Variants in ADAMTS20 observed in about 807,000 individuals in gnomAD.
ADAMTS20 encodes ADAM metallopeptidase with thrombospondin type 1 motif 20.
Under a neutral mutation model 260.1 loss-of-function variants are expected in ADAMTS20, and 225 were observed. The observed-to-expected ratio is 0.87, with a 90% CI of 0.78 to 0.97. The LOEUF is 0.97. ADAMTS20 is among the 50% of genes least tolerant of loss of function. The pLI, the probability that ADAMTS20 is intolerant of heterozygous loss-of-function variation, is 0.00. For missense variants in ADAMTS20, 2,400 were observed against 2,337.7 expected (o/e 1.03, Z -0.55); for synonymous variants, 802 against 769.5 (o/e 1.04, Z -0.70).
At chr12:43,423,396 C>T (rs1008148541) in intron 28 of ADAMTS20, 13 of 225,958 alleles carry the variant, frequency 5.8e-5, no homozygotes, top group Non-Finnish European at 8.7e-6. Flanking sequence ...TTAATTGCTT[C>T]AATATCTAAT....
chr12:43,428,806 A>C lies in ADAMTS20; in HGVS notation c.3490-7T>G. 6.3e-7 allele frequency: 1 copy of C among 1,598,794 alleles called. No individual in the cohort carries two copies. The highest frequency in any genetic ancestry group is 8.5e-7 in the Non-Finnish European group (1 of 1,170,814). Reference sequence around the variant, plus strand: ...TTCCACAAGATACGGAGCACTTTTTAAGAAATCAAATTGTATCCGGGCATT... The same window carrying C: ...TTCCACAAGATACGGAGCACTTTTTCAGAAATCAAATTGTATCCGGGCATT... On this transcript the variant is annotated splice_region_variant and splice_polypyrimidine_tract_variant and intron_variant, in intron 24 of 38. Transcript: ENST00000389420.
At position 43,446,518 on chromosome 12, in the gene ADAMTS20, T is replaced by C. The variant is rs2137338996; in HGVS notation, c.2197+77A>G. On this transcript the variant is annotated intron_variant, in intron 15 of 38. Coordinates refer to ENST00000389420, the MANE Select transcript of ADAMTS20 (RefSeq NM_025003.5). ...GAGTAGACAAAACAGTAACAAAGAA[T>C]TACTGTTACACCTTCTTTACAGACT... 4.5e-6 allele frequency: 5 copies of C among 1,104,998 alleles called. No individual in the cohort carries two copies. In the East Asian group the frequency reaches 1.0e-4, roughly 22 times the overall value. 68.4% of individuals were successfully genotyped at this position (1,104,998 alleles called of 1,614,324 possible).
At position 43,464,699 on chromosome 12, in the gene ADAMTS20, T is replaced by G; in HGVS notation, c.1401A>C (p.Pro467=). Residue 467 remains proline (P), a synonymous_variant, in exon 10 of 39, where the codon CCA becomes CCC. Coordinates refer to ENST00000389420, the MANE Select transcript of ADAMTS20 (RefSeq NM_025003.5). ...TGYGECLLDK[P]DEEIYNLPSE... is the part of the protein sequence containing the mutation. ...AAGGCAGATTATATATTTCTTCATC[T>G]GGTTTGTCAAGAAGACATTCCCCGT... 3 of 1,613,268 alleles carry G rather than the reference T, an allele frequency of 1.9e-6. No homozygotes were observed. Among genetic ancestry groups the G allele is most frequent in the Non-Finnish European group, 2.5e-6 (3 of 1,179,410 alleles).
intron 3 of ADAMTS20, 96 bp from the exon 4 acceptor site, chr12:43,502,501 C>T: frequency 9.2e-7 from 1 of 1,083,894 alleles, no homozygotes; most frequent in South Asian, 1.6e-5. Flanking sequence ...TTAATACTTA[C>T]ATATCTGTTC....
At chr12:43,472,013 A>C (rs1164461161) in intron 7 of ADAMTS20, among the ~76,000 whole-genome samples, 3 of 152,136 alleles carry the variant, frequency 2.0e-5, no homozygotes, top group Non-Finnish European at 4.4e-5. Flanking sequence ...TGAGAGAAGA[A>C]GGCTTCAGAA....
rs1284697559 is a variant in ADAMTS20 at position 43,464,700 on chromosome 12, G to A, written c.1400C>T (p.Pro467Leu). The A allele has an allele frequency of 2.5e-6, 4 of 1,612,866 alleles. No individual in the cohort carries two copies. The highest frequency in any genetic ancestry group is 3.4e-6 in the Non-Finnish European group (4 of 1,179,338). ...TGYGECLLDK[P>L]DEEIYNLPSE... ...AGGCAGATTATATATTTCTTCATCT[G>A]GTTTGTCAAGAAGACATTCCCCGTA... is the stretch of plus-strand genomic sequence containing the variant. The change falls in exon 10 of 39, where the codon CCA (proline) becomes CTA (leucine). Residue 467 changes from proline (P) to leucine (L), a missense_variant. Coordinates refer to ENST00000389420, the MANE Select transcript of ADAMTS20 (RefSeq NM_025003.5).
intron 5 of ADAMTS20, among the ~76,000 whole-genome samples, chr12:43,492,850 A>G (rs1449768006): frequency 2.6e-5 from 4 of 152,168 alleles, no homozygotes; most frequent in Non-Finnish European, 5.9e-5. Context: ...ACAACCATCC[A>G]ATATTTAGGA....
intron 28 of ADAMTS20, among the ~76,000 whole-genome samples, chr12:43,407,818 C>G (rs938304110): frequency 4.6e-5 from 7 of 152,100 alleles, no homozygotes; most frequent in African/African-American, 1.7e-4. Flanking sequence ...AAGTCTAACT[C>G]AAGATGTGAG....
chr12:43,413,865 C>T (rs903614252), intron 28 of ADAMTS20, among the ~76,000 whole-genome samples: 1 of 152,110 alleles, frequency 6.6e-6, no homozygotes, highest in African/African-American at 2.4e-5. Context: ...TTTCCCATCC[C>T]ATATCCCACC....
At chr12:43,501,055 C>CTTTTTTTTTTT (rs79075751) in intron 4 of ADAMTS20, among the ~76,000 whole-genome samples, 27 of 104,866 alleles carry the variant, frequency 2.6e-4, no homozygotes, top group East Asian at 4.1e-4. Flanking sequence ...CTATGTAATT[C>CTTTTTTTTTTT]TTTTTTTTTT....
intron 3 of ADAMTS20, 139 bp from the exon 4 acceptor site, chr12:43,502,544 G>A (rs1942784193): frequency 8.2e-6 from 7 of 853,238 alleles, no homozygotes; most frequent in East Asian, 2.7e-5. Context: ...AAGAGAAATT[G>A]TTATTTAAAA....
chr12:43,540,609 G>A (rs143594619), intron 2 of ADAMTS20, among the ~76,000 whole-genome samples: 8 of 142,878 alleles, frequency 5.6e-5, no homozygotes, highest in African/African-American at 2.1e-4. Context: ...TTTTTAACTT[G>A]GAAAGAACCC....
intron 7 of ADAMTS20, among the ~76,000 whole-genome samples, chr12:43,469,672 A>G (rs1713540337): frequency 1.3e-5 from 2 of 152,166 alleles, no homozygotes; most frequent in South Asian, 4.1e-4. Context: ...AAGCTTTTGC[A>G]TTTAGAAATG....
Position 43,425,522 on chromosome 12 carries a change from A to C in ADAMTS20, c.4276T>G (p.Trp1426Gly), listed in dbSNP as rs1373127131. Residue 1426 changes from tryptophan (W) to glycine (G), a missense_variant, in exon 28 of 39, where the codon TGG becomes GGG. Trp to Gly is a radical substitution (Grantham distance 184). Transcript: ENST00000389420. Reference sequence around the variant, plus strand: ...CAAGAGTGCTATCATACCGATGTCCATGGTTCCTGATGCCATGACACATCA... The same window carrying C: ...CAAGAGTGCTATCATACCGATGTCCCTGGTTCCTGATGCCATGACACATCA... ...PADVSWHQEP[W>G]TSCSASCGKG... 1 of 1,518,944 alleles carries C rather than the reference A, an allele frequency of 6.6e-7. No homozygotes were observed. Among genetic ancestry groups the C allele is most frequent in the African/African-American group, 1.4e-5 (1 of 72,114 alleles). 94.1% of individuals were successfully genotyped at this position (1,518,944 alleles called of 1,614,324 possible).
intron 36 of ADAMTS20, among the ~76,000 whole-genome samples, chr12:43,371,267 G>C (rs938440556): frequency 2.0e-5 from 3 of 152,040 alleles, no homozygotes; most frequent in African/African-American, 7.2e-5. Context: ...TTAACTCAAA[G>C]TTGTCTTGAG....
In ADAMTS20 at chr12:43,487,101, A is replaced by G. The variant is rs1275442560; in HGVS notation, c.1117+3294T>C. On this transcript the variant is annotated intron_variant, in intron 7 of 38. Coordinates refer to ENST00000389420, the MANE Select transcript of ADAMTS20 (RefSeq NM_025003.5). ...TTTACCCAAAGGAACAGAAGTCACT[A>G]TATCAAAAAGACACCTGCACACATA... 1.3e-5 allele frequency among the ~76,000 whole-genome samples: 2 copies of G among 152,166 alleles called. 1 individual carries two copies. The highest frequency in any genetic ancestry group is 4.8e-5 in the African/African-American group (2 of 41,446).
chr12:43,442,392 G>A (rs879275585), intron 16 of ADAMTS20, among the ~76,000 whole-genome samples: 1 of 151,872 alleles, frequency 6.6e-6, no homozygotes, highest in Non-Finnish European at 1.5e-5. Flanking sequence ...CGAGTAGCTG[G>A]GATTACAGGC....
intron 3 of ADAMTS20, among the ~76,000 whole-genome samples, chr12:43,521,690 T>C (rs898106698): frequency 1.3e-5 from 2 of 152,194 alleles, no homozygotes; most frequent in African/African-American, 2.4e-5. Context: ...TTTTTGATAA[T>C]ATCTCTGCTT....
At chr12:43,527,258 C>A (rs1183644634) in intron 3 of ADAMTS20, among the ~76,000 whole-genome samples, 2 of 152,080 alleles carry the variant, frequency 1.3e-5, no homozygotes, top group Admixed American at 6.5e-5. Context: ...TTCTACCACA[C>A]GTCTATTCAC....
Sources: gnomAD v4.1 joint callset for allele counts (sites outside exome capture counted in the v4.1 genomes callset) on GRCh38, gnomAD v4.1.1 for gene constraint, MANE v1.5 for transcripts, NCBI Gene and HGNC (gene_info 2026-07-23, HGNC 2026-07-21) for gene names.